The following KCNK3 variants were observed in gnomAD, a reference collection of about 807,000 sequenced individuals.
KCNK3 encodes potassium channel subfamily K member 3.
Under a neutral mutation model 27.3 loss-of-function variants are expected in KCNK3, and 9 were observed. The observed-to-expected ratio is 0.33, with a 90% confidence interval of 0.20 to 0.57. KCNK3 has a LOEUF of 0.57. Ranked by LOEUF, KCNK3 falls within the 20% of genes least tolerant of loss-of-function variation. The pLI is 0.87. For synonymous variants in KCNK3, 278 were observed against 273.8 expected (o/e 1.02, Z -0.15); for missense variants, 391 against 577.7 (o/e 0.68, Z 3.31).
chr2:26,727,053 G>A (rs1481366387), intron 1 of KCNK3, among the ~76,000 whole-genome samples: 2 of 152,174 alleles, frequency 1.3e-5, no homozygotes, highest in Non-Finnish European at 2.9e-5. Context: ...GAGACTGAAG[G>A]GCCCTTGTTG....
Position 26,728,660 on chromosome 2 carries a change from G to A in KCNK3, c.*92G>A, listed in dbSNP as rs2148039244. 2 of 1,117,288 alleles carry A rather than the reference G, an allele frequency of 1.8e-6. No homozygotes were observed. The highest frequency in any genetic ancestry group is 2.4e-6 in the Non-Finnish European group (2 of 837,400). 69.2% of individuals were successfully genotyped at this position (1,117,288 alleles called of 1,614,324 possible). A position where few individuals can be genotyped will look rare whatever the true frequency, so the allele number is the denominator to read the frequency against. On this transcript the variant is annotated 3_prime_UTR_variant, in exon 2 of 2. Coordinates refer to ENST00000302909, the MANE Select transcript of KCNK3 (RefSeq NM_002246.3). ...TGCCCCTGCTGCCTTCTGCCCAGTG[G>A]GACCCCGCACAACATCCCTCACCAC... is the stretch of plus-strand genomic sequence containing the variant.
At chr2:26,703,691 T>C (rs1670336232) in intron 1 of KCNK3, among the ~76,000 whole-genome samples, 1 of 152,200 alleles carries the variant, frequency 6.6e-6, no homozygotes, top group Non-Finnish European at 1.5e-5. Flanking sequence ...AACTAAGACC[T>C]AGAGCCTTCC....
intron 1 of KCNK3, among the ~76,000 whole-genome samples, chr2:26,703,354 A>G (rs1353447114): frequency 6.6e-6 from 1 of 152,208 alleles, no homozygotes; most frequent in East Asian, 1.9e-4. Flanking sequence ...GGATTGAACA[A>G]CTAGGGGCTT....
At chr2:26,719,538 A>T (rs918882003) in intron 1 of KCNK3, among the ~76,000 whole-genome samples, 1 of 152,160 alleles carries the variant, frequency 6.6e-6, no homozygotes, top group Non-Finnish European at 1.5e-5. Flanking sequence ...TCTGTCTTAA[A>T]TCCCTCCTAA....
rs969874427 is a variant in KCNK3 at position 26,731,557 on chromosome 2, G to A, written c.*2989G>A. The A allele has an allele frequency of 2.0e-5, 3 of 152,126 alleles. No individual in the cohort carries two copies. The highest frequency in any genetic ancestry group is 4.4e-5 in the Non-Finnish European group (3 of 68,058). The allele number at this position is 152,126 out of a possible 1,614,324, so 9.4% of individuals were successfully genotyped here. A position where few individuals can be genotyped will look rare whatever the true frequency, so the allele number is the denominator to read the frequency against. ...CGTGCCACTGCACTCCAGCCTGAGC[G>A]ACAGAGTGAGACCCTGTCTAAAAAA... is the stretch of plus-strand genomic sequence containing the variant. On this transcript the variant is annotated 3_prime_UTR_variant, in exon 2 of 2. Coordinates refer to ENST00000302909, the MANE Select transcript of KCNK3 (RefSeq NM_002246.3).
At chr2:26,727,464 T>A (rs1361265499) in intron 1 of KCNK3, among the ~76,000 whole-genome samples, 2 of 152,200 alleles carry the variant, frequency 1.3e-5, no homozygotes, top group African/African-American at 4.8e-5. Flanking sequence ...CCTTCCTACA[T>A]ACCTTCTGCA....
intron 1 of KCNK3, among the ~76,000 whole-genome samples, chr2:26,697,054 C>T (rs964800458): frequency 9.9e-5 from 15 of 152,124 alleles, no homozygotes; most frequent in African/African-American, 3.1e-4. Context: ...GGCATTATTA[C>T]CCCCATTTTT....
intron 1 of KCNK3, among the ~76,000 whole-genome samples, chr2:26,711,805 T>C (rs1277250263): frequency 6.6e-6 from 1 of 152,202 alleles, no homozygotes; most frequent in Non-Finnish European, 1.5e-5. Context: ...ACAGAGGCAT[T>C]TAATCATTCG....
At chr2:26,701,638 C>T (rs1670309198) in intron 1 of KCNK3, among the ~76,000 whole-genome samples, 1 of 152,218 alleles carries the variant, frequency 6.6e-6, no homozygotes, top group South Asian at 2.1e-4. Flanking sequence ...GAACAACACA[C>T]ATTTTTTAAA....
In KCNK3 at chr2:26,728,725, A is replaced by C; in HGVS notation, c.*157A>C. ...CCCATCTCCGACTGTGCCTGCTTGC[A>C]CCAGCCGGCAGGAGGCCGGGCTCTG... On this transcript the variant is annotated 3_prime_UTR_variant, in exon 2 of 2. Transcript: ENST00000302909. 3.3e-6 allele frequency: 2 copies of C among 611,572 alleles called. No individual in the cohort carries two copies. The highest frequency in any genetic ancestry group is 1.3e-4 in the South Asian group (2 of 15,112). The allele number at this position is 611,572 out of a possible 1,614,324, so 37.9% of individuals were successfully genotyped here. A position where few individuals can be genotyped will look rare whatever the true frequency, so the allele number is the denominator to read the frequency against.
chr2:26,701,168 T>A (rs1670303322), intron 1 of KCNK3, among the ~76,000 whole-genome samples: 1 of 152,210 alleles, frequency 6.6e-6, no homozygotes, highest in Non-Finnish European at 1.5e-5. Flanking sequence ...AGCCATGAGA[T>A]GTGTGGACCA....
In KCNK3 at chr2:26,693,313, T is replaced by C. The variant is rs1212679776; in HGVS notation, c.283+155T>C. ...AGAAACCCGAGTTCAGCCTGGCGTG[T>C]GTGCTCCGCGGGGACGGAACTCGGG... On this transcript the variant is annotated intron_variant, in intron 1 of 1. Coordinates refer to ENST00000302909, the MANE Select transcript of KCNK3 (RefSeq NM_002246.3). The surrounding 1 kb of genome is among the most constrained non-coding windows in gnomAD (Gnocchi z 5.5). 2.0e-5 allele frequency among the ~76,000 whole-genome samples: 3 copies of C among 151,998 alleles called. No homozygotes were observed. Among genetic ancestry groups the C allele is most frequent in the Non-Finnish European group, 2.9e-5 (2 of 67,980 alleles).
At chr2:26,725,292 GTC>G (rs1663396040) in intron 1 of KCNK3, among the ~76,000 whole-genome samples, 1 of 152,188 alleles carries the variant, frequency 6.6e-6, no homozygotes, top group South Asian at 2.1e-4. Context: ...CTAACGCCCA[GTC>G]TCTCCTGTGC....
chr2:26,693,956 C>T lies in KCNK3; in HGVS notation c.283+798C>T, dbSNP rs962901602. Among the ~76,000 whole-genome samples the T allele has an allele frequency of 3.3e-5, 5 of 151,608 alleles. No homozygotes were observed. The highest frequency in any genetic ancestry group is 2.1e-4 in the South Asian group (1 of 4,796). ...AGGCACTCACAGGGTACACACAGGG[C>T]GGGCACACACACACACACACACAGA... On this transcript the variant is annotated intron_variant, in intron 1 of 1. Coordinates refer to ENST00000302909, the MANE Select transcript of KCNK3 (RefSeq NM_002246.3). This position sits in a 1 kb window ranked among gnomAD's most constrained non-coding sequence, Gnocchi z 5.5.
At chr2:26,719,048 T>C (rs1202529183) in intron 1 of KCNK3, among the ~76,000 whole-genome samples, 2 of 152,262 alleles carry the variant, frequency 1.3e-5, no homozygotes, top group African/African-American at 4.8e-5. Context: ...GGTCACACAA[T>C]ATTCCACCAC....
At chr2:26,718,079 C>A (rs1337830725) in intron 1 of KCNK3, among the ~76,000 whole-genome samples, 1 of 151,788 alleles carries the variant, frequency 6.6e-6, no homozygotes, top group African/African-American at 2.4e-5. Context: ...CGGCCCCTCG[C>A]CCCTACCTCC....
At chr2:26,722,360 G>A (rs988529824) in intron 1 of KCNK3, among the ~76,000 whole-genome samples, 1 of 152,158 alleles carries the variant, frequency 6.6e-6, no homozygotes, top group African/African-American at 2.4e-5. Flanking sequence ...TCAAATCTTG[G>A]TGCTCCCCAA....
intron 1 of KCNK3, among the ~76,000 whole-genome samples, chr2:26,717,134 A>G (rs1663247630): frequency 6.6e-6 from 1 of 152,232 alleles, no homozygotes. Flanking sequence ...AGGTAATAGT[A>G]GAGCTAGGAT....
intron 1 of KCNK3, chr2:26,724,375 C>T (rs1381498854): frequency 6.5e-6 from 1 of 153,626 alleles, no homozygotes; most frequent in South Asian, 2.1e-4. Context: ...CCGGCCTGGT[C>T]GCCCTTCCTG....
Sources: gnomAD v4.1 joint callset for allele counts (sites outside exome capture counted in the v4.1 genomes callset) on GRCh38, gnomAD v4.1.1 for gene constraint, Gnocchi (gnomAD v3.1) non-coding constraint, MANE v1.5 for transcripts, NCBI Gene and HGNC (gene_info 2026-07-23, HGNC 2026-07-21) for gene names.